The following CFAP92 variants were observed in gnomAD, a reference collection of about 807,000 sequenced individuals.
CFAP92 encodes uncharacterized protein CFAP92.
Under a neutral mutation model 106.3 loss-of-function variants are expected in CFAP92, and 86 were observed. The observed-to-expected ratio is 0.81, with a 90% confidence interval of 0.68 to 0.97. The LOEUF (loss-of-function observed/expected upper bound fraction) is 0.97, where lower values mean the gene tolerates loss of function less well. Ranked by LOEUF, CFAP92 falls within the 50% of genes least tolerant of loss-of-function variation. The pLI is 0.00. For missense variants in CFAP92, 1,204 were observed against 1,283.8 expected (o/e 0.94, Z 0.95); for synonymous variants, 477 against 506.4 (o/e 0.94, Z 0.78).
the CFAP92 span, among the ~76,000 whole-genome samples, chr3:129,022,386 C>G: frequency 2.3e-4 from 35 of 152,340 alleles, 1 homozygote; most frequent in Admixed American, 2.2e-3. Context: ...TCAGATCCAC[C>G]TCTTTGCATC....
chr3:128,915,181 A>T lies in CFAP92; in HGVS notation c.3218T>A (p.Leu1073Gln). The T allele has an allele frequency of 1.6e-5, 25 of 1,536,178 alleles. No individual in the cohort carries two copies. The highest frequency in any genetic ancestry group is 2.1e-5 in the Non-Finnish European group (24 of 1,146,926). ...GAGGAAAGGTGGTGGTTTCTTGTAC[A>T]GATCAAAGTCCACGTGGTGCCTGTC... The part of the protein sequence containing the change: ...SWDRHHVDFD[L>Q]YKKPPPFLEL... The change falls in exon 15 of 16, where the codon CTG (leucine) becomes CAG (glutamine). Residue 1073 changes from leucine to glutamine, a missense_variant. Physicochemically the swap from Leu to Gln is moderately radical, Grantham distance 113. Coordinates refer to ENST00000645291, the MANE Select transcript of CFAP92 (RefSeq NM_001394090.1).
intron 12 of CFAP92, among the ~76,000 whole-genome samples, chr3:128,924,093 C>T (rs35970262): frequency 0.11 from 16,031 of 152,014 alleles, 1,100 homozygotes; most frequent in South Asian, 0.16. Flanking sequence ...ATAGCTGTGG[C>T]GGTTTTACAA....
upstream of CFAP92, chr3:129,003,768 C>T (rs1228935587): frequency 1.4e-6 from 2 of 1,393,214 alleles, no homozygotes; most frequent in South Asian, 2.9e-5. Flanking sequence ...CACTTACCCC[C>T]TGCCCCTGCT....
chr3:128,935,085 C>T (rs1212712832), intron 11 of CFAP92, 40 bp downstream of exon 11: 23 of 1,454,332 alleles, frequency 1.6e-5, no homozygotes, highest in Admixed American at 4.7e-5. Flanking sequence ...GTGCCCCTCC[C>T]GCCGGGGCGC....
Position 128,975,769 on chromosome 3 carries a change from C to T in CFAP92, c.1021+10G>A, listed in dbSNP as rs555804510. The T allele has an allele frequency of 5.1e-6, 8 of 1,574,780 alleles. No homozygotes were observed. The Admixed American group carries it at 1.3e-4, about 26-fold the overall frequency. ...ATATTATAAAATTCCCAAATCCTAT[C>T]CTAACTTACTTTGAGACCTTTGTCT... is the stretch of plus-strand genomic sequence containing the variant. On this transcript the variant is annotated intron_variant, in intron 7 of 15. Coordinates refer to ENST00000645291, the MANE Select transcript of CFAP92 (RefSeq NM_001394090.1).
Position 128,945,630 on chromosome 3 carries a change from G to C in CFAP92, c.1699C>G (p.Gln567Glu). The change falls in exon 10 of 16, where the codon CAG (glutamine) becomes GAG (glutamate). Residue 567 changes from glutamine to glutamate, a missense_variant. Gln to Glu is a conservative substitution (Grantham distance 29). Coordinates refer to ENST00000645291, the MANE Select transcript of CFAP92 (RefSeq NM_001394090.1). The part of the protein sequence containing the change: ...NKMWYPYGIA[Q>E]VSFADLLLGH... ...AGGAGGAGGTCAGCAAAACTGACCT[G>C]GGCGATGCCATAAGGGTACCACATC... 1 of 1,536,116 alleles carries C rather than the reference G, an allele frequency of 6.5e-7. No homozygotes were observed. The highest frequency in any genetic ancestry group is 8.7e-7 in the Non-Finnish European group (1 of 1,146,904).
chr3:128,946,529 C>T (rs1940235617), intron 9 of CFAP92, among the ~76,000 whole-genome samples: 1 of 152,168 alleles, frequency 6.6e-6, no homozygotes, highest in African/African-American at 2.4e-5. Flanking sequence ...AAAGCAGGGA[C>T]ATTTGCATGG....
intron 9 of CFAP92, among the ~76,000 whole-genome samples, chr3:128,951,929 A>G (rs946512298): frequency 6.6e-6 from 1 of 152,062 alleles, no homozygotes; most frequent in Admixed American, 6.6e-5. Context: ...GCCTCCCATC[A>G]TGTATCAGTG....
intron 11 of CFAP92, 105 bp downstream of exon 11, chr3:128,935,020 A>C (rs1938833673): frequency 1.2e-6 from 1 of 819,058 alleles, no homozygotes; most frequent in Admixed American, 2.9e-5. Context: ...TGTTGGGGCC[A>C]CTATCTAGTT....
rs551460715 is a variant in CFAP92 at position 128,941,765 on chromosome 3, C to G, written c.2258+3306G>C. On this transcript the variant is annotated intron_variant, in intron 10 of 15. Transcript: ENST00000645291. ...GTGTTGGGATTACAGACATGAGCCA[C>G]TGTGCCCGGCCCACCCTGCAAATTT... is the stretch of plus-strand genomic sequence containing the variant. 2.0e-5 allele frequency among the ~76,000 whole-genome samples: 3 copies of G among 152,364 alleles called. No individual in the cohort carries two copies. In the East Asian group the frequency reaches 5.8e-4, roughly 29 times the overall value.
At chr3:128,990,688 G>A (rs2107820967) in intron 2 of CFAP92, among the ~76,000 whole-genome samples, 1 of 151,856 alleles carries the variant, frequency 6.6e-6, no homozygotes, top group Admixed American at 6.6e-5. Flanking sequence ...CTAAGGTCAG[G>A]AGTTCAAGAC....
intron 9 of CFAP92, among the ~76,000 whole-genome samples, chr3:128,953,094 A>C (rs1940970765): frequency 6.6e-6 from 1 of 152,148 alleles, no homozygotes; most frequent in Non-Finnish European, 1.5e-5. Context: ...AACAAAACAA[A>C]AATGGAAATC....
At chr3:128,995,239 C>T (rs1008604964), upstream of CFAP92, among the ~76,000 whole-genome samples, 1 of 152,208 alleles carries the variant, frequency 6.6e-6, no homozygotes, top group African/African-American at 2.4e-5. Flanking sequence ...CAGTGCATGC[C>T]TCCCCAGACC....
chr3:128,939,956 G>A (rs944598694), intron 10 of CFAP92, among the ~76,000 whole-genome samples: 1 of 152,204 alleles, frequency 6.6e-6, no homozygotes, highest in Non-Finnish European at 1.5e-5. Flanking sequence ...GCCAGAGACC[G>A]GTACAGGTCC....
At chr3:128,935,469 T>G in intron 10 of CFAP92, 150 bp from the exon 11 acceptor site, 1 of 507,164 alleles carries the variant, frequency 2.0e-6, no homozygotes, top group Non-Finnish European at 3.4e-6. Flanking sequence ...CCCAGCACTT[T>G]GGGAGGCTGA....
intron 12 of CFAP92, among the ~76,000 whole-genome samples, chr3:128,923,513 TGAA>T (rs968752192): frequency 6.6e-6 from 1 of 152,228 alleles, no homozygotes; most frequent in East Asian, 1.9e-4. Context: ...CTGTTCAGCA[TGAA>T]GAAGTTGCAG....
chr3:128,956,977 CAAAA>C (rs766884799), intron 9 of CFAP92, among the ~76,000 whole-genome samples: 914 of 28,584 alleles, frequency 0.032, 7 homozygotes, highest in Admixed American at 0.075. Flanking sequence ...CAGACTCTCT[CAAAA>C]AAAAAAAAAA....
intron 12 of CFAP92, among the ~76,000 whole-genome samples, chr3:128,928,863 T>C (rs1338846346): frequency 6.6e-6 from 1 of 152,184 alleles, no homozygotes; most frequent in Non-Finnish European, 1.5e-5. Context: ...AAGCCACAAA[T>C]ATGGAGAAAA....
the CFAP92 span, among the ~76,000 whole-genome samples, chr3:129,021,392 C>T: frequency 6.6e-6 from 1 of 152,186 alleles, no homozygotes; most frequent in African/African-American, 2.4e-5. Context: ...TTCAGAGGCA[C>T]ATCAAAGACA....
Sources: allele counts gnomAD v4.1 joint callset (sites outside exome capture counted in the v4.1 genomes callset), GRCh38; gene constraint gnomAD v4.1.1; transcripts MANE v1.5; gene names NCBI Gene and HGNC (gene_info 2026-07-23, HGNC 2026-07-21).